CHL1: variants seen among roughly 807,000 people sequenced by gnomAD.
CHL1 encodes the protein neural cell adhesion molecule L1-like protein.
A neutral mutation model predicts 141.9 loss-of-function variants in CHL1; 96 were observed. The ratio of observed to expected loss-of-function variants is 0.68; its 90% CI spans 0.57 to 0.80. The LOEUF (loss-of-function observed/expected upper bound fraction) is 0.80, where lower values mean the gene tolerates loss of function less well. Ranked by LOEUF, CHL1 falls within the 30% of genes least tolerant of loss-of-function variation. CHL1 has a pLI of 0.00. For missense variants in CHL1, 1,820 were observed against 1,457.2 expected, an observed-to-expected ratio of 1.25 and a Z score of -4.05; for synonymous variants, 613 against 502.2, an observed-to-expected ratio of 1.22 and a Z score of -2.95.
chr3:391,159 G>C lies in CHL1; in HGVS notation c.2791G>C (p.Val931Leu). 4 of 1,603,516 alleles carry C rather than the reference G, an allele frequency of 2.5e-6. No individual in the cohort carries two copies. The highest frequency in any genetic ancestry group is 3.4e-6 in the Non-Finnish European group (4 of 1,170,570). ...EPYIFQTPEG[V>L]PEQPTFLKVI... ...TTATATATTTCAAACACCAGAAGGA[G>C]GTGAGAGGATAATGATGTAGAGTCA... Residue 931 changes from valine to leucine, a missense_variant and splice_region_variant, in exon 22 of 28, where the codon GTA (valine) becomes CTA (leucine). Coordinates refer to ENST00000256509, the MANE Select transcript of CHL1 (RefSeq NM_006614.4).
chr3:342,514 A>G (rs532257022), intron 7 of CHL1, among the ~76,000 whole-genome samples: 6 of 152,258 alleles, frequency 3.9e-5, no homozygotes, highest in Middle Eastern at 3.4e-3. Context: ...CCCTTTCCCG[A>G]CTTGATTCTG....
intron 1 of CHL1, among the ~76,000 whole-genome samples, chr3:224,054 T>C (rs985276373): frequency 6.6e-6 from 1 of 152,192 alleles, no homozygotes; most frequent in Admixed American, 6.5e-5. Flanking sequence ...TTACAAATCT[T>C]GTAACCTCTG....
intron 5 of CHL1, among the ~76,000 whole-genome samples, chr3:338,688 T>C (rs552274874): frequency 3.3e-5 from 5 of 152,364 alleles, no homozygotes; most frequent in Admixed American, 6.5e-5. Flanking sequence ...ATATTCATTT[T>C]GTATTTAGTT....
chr3:217,527 G>C (rs538861525), intron 1 of CHL1: 4 of 152,198 alleles, frequency 2.6e-5, no homozygotes, highest in African/African-American at 9.7e-5. Flanking sequence ...TGCCTTTCAC[G>C]CTGAGCCAGA....
At chr3:358,395 T>A (rs1451092902) in intron 11 of CHL1, among the ~76,000 whole-genome samples, 1 of 152,152 alleles carries the variant, frequency 6.6e-6, no homozygotes, top group Non-Finnish European at 1.5e-5. Context: ...CCCACTTGGG[T>A]CATCCAGATG....
At chr3:330,953 ATC>A (rs150871584) in intron 5 of CHL1, among the ~76,000 whole-genome samples, 9 of 150,378 alleles carry the variant, frequency 6.0e-5, no homozygotes, top group East Asian at 2.0e-4. Context: ...GTTAGCATGG[ATC>A]TCTCTCTCTC....
intron 1 of CHL1, among the ~76,000 whole-genome samples, chr3:210,810 C>T (rs868189216): frequency 2.6e-5 from 4 of 152,292 alleles, no homozygotes; most frequent in Middle Eastern, 3.4e-3. Flanking sequence ...TTCCCCCTCC[C>T]GACACTTCCT....
intron 4 of CHL1, 102 bp from the exon 5 acceptor site, chr3:328,065 C>T: frequency 1.2e-6 from 1 of 816,340 alleles, no homozygotes. Context: ...TACTTTTTAT[C>T]ATAAAATGTC....
intron 2 of CHL1, among the ~76,000 whole-genome samples, 153 bp from the exon 3 acceptor site, chr3:319,530 A>T (rs770541863): frequency 1.3e-4 from 20 of 151,362 alleles, no homozygotes; most frequent in Non-Finnish European, 2.7e-4. Flanking sequence ...AGGAAAAACT[A>T]ATTTCATTCA....
chr3:334,826 A>AAAAAATATC (rs1238528117), intron 5 of CHL1, among the ~76,000 whole-genome samples: 2 of 152,200 alleles, frequency 1.3e-5, no homozygotes, highest in Non-Finnish European at 2.9e-5. Context: ...TAAGAATGAG[A>AAAAAATATC]AAAAATATCA....
chr3:346,115 A>G (rs919242468), intron 9 of CHL1, among the ~76,000 whole-genome samples: 1 of 152,158 alleles, frequency 6.6e-6, no homozygotes. Flanking sequence ...TTCATTCATA[A>G]TTTAGAGTAC....
At chr3:310,195 C>T (rs144511355) in intron 2 of CHL1, among the ~76,000 whole-genome samples, 2,912 of 151,896 alleles carry the variant, frequency 0.019, 36 homozygotes, top group Non-Finnish European at 0.031. Flanking sequence ...TTTGGGAGGT[C>T]GAGGTGGGAG....
chr3:206,521 G>C (rs1335733368), intron 1 of CHL1, among the ~76,000 whole-genome samples: 1 of 152,058 alleles, frequency 6.6e-6, no homozygotes, highest in Non-Finnish European at 1.5e-5. Context: ...CTTGAGGCCA[G>C]GAGTTCAAGA....
intron 19 of CHL1, among the ~76,000 whole-genome samples, chr3:386,091 C>T (rs149602755): frequency 3.0e-4 from 46 of 151,762 alleles, no homozygotes; most frequent in African/African-American, 9.7e-4. Context: ...GAGTTAGACT[C>T]CAGGTTTTTC....
In CHL1 at chr3:302,426, A is replaced by C. The variant is rs558099432; in HGVS notation, c.-94-17257A>C. ...GCATCTGTTGTTTCCTGACTTTTTA[A>C]AGATGGCAATTCTAACTGGCATGAG... On this transcript the variant is annotated intron_variant, in intron 2 of 27. Coordinates refer to ENST00000256509, the MANE Select transcript of CHL1 (RefSeq NM_006614.4). Among the ~76,000 whole-genome samples, 62 of 152,336 alleles carry C rather than the reference A, an allele frequency of 4.1e-4. 1 individual carries two copies. Among genetic ancestry groups the C allele is most frequent in the African/African-American group, 1.4e-3 (60 of 41,572 alleles).
At position 363,398 on chromosome 3, in the gene CHL1, C is replaced by T; in HGVS notation, c.1585+15C>T. Reference sequence around the variant, plus strand: ...GGATATTAGAAGTATTTTTATTTCACTGTTACTTTGCATGAATTGTCACAT... The same window carrying T: ...GGATATTAGAAGTATTTTTATTTCATTGTTACTTTGCATGAATTGTCACAT... On this transcript the variant is annotated intron_variant, in intron 14 of 27. Coordinates refer to ENST00000256509, the MANE Select transcript of CHL1 (RefSeq NM_006614.4). The T allele has an allele frequency of 6.2e-7, 1 of 1,602,272 alleles. No individual in the cohort carries two copies. The highest frequency in any genetic ancestry group is 8.5e-7 in the Non-Finnish European group (1 of 1,173,362).
intron 2 of CHL1, among the ~76,000 whole-genome samples, chr3:250,544 T>C (rs1693593073): frequency 6.6e-6 from 1 of 152,070 alleles, no homozygotes; most frequent in Admixed American, 6.6e-5. Flanking sequence ...GTGGTTGTCC[T>C]CCTGGTACAG....
At chr3:253,140 T>G (rs1270057207) in intron 2 of CHL1, among the ~76,000 whole-genome samples, 1 of 152,126 alleles carries the variant, frequency 6.6e-6, no homozygotes, top group Non-Finnish European at 1.5e-5. Context: ...CCTTACAGAG[T>G]TTATTTTTAA....
chr3:219,522 G>A (rs1007845066), intron 1 of CHL1, among the ~76,000 whole-genome samples: 2 of 152,182 alleles, frequency 1.3e-5, no homozygotes, highest in African/African-American at 4.8e-5. Context: ...AAAAGAATGA[G>A]ATCATGTCCT....
Sources: gnomAD v4.1 joint callset for allele counts (sites outside exome capture counted in the v4.1 genomes callset) on GRCh38, gnomAD v4.1.1 for gene constraint, MANE v1.5 for transcripts, NCBI Gene and HGNC (gene_info 2026-07-23, HGNC 2026-07-21) for gene names.